TTC29: variants seen among roughly 807,000 people sequenced by gnomAD.
TTC29 encodes tetratricopeptide repeat protein 29.
A neutral mutation model predicts 58.1 loss-of-function variants in TTC29; 49 were observed. The observed-to-expected ratio is 0.84, with a 90% CI of 0.67 to 1.07. The LOEUF is 1.07. Among genes scored for constraint, TTC29 ranks in the 50% least tolerant of loss-of-function variants. The pLI, the probability that TTC29 is intolerant of heterozygous loss-of-function variation, is 0.00. For synonymous variants in TTC29, 209 were observed against 196.8 expected, an observed-to-expected ratio of 1.06 and a Z score of -0.52; for missense variants, 582 against 555.6, an observed-to-expected ratio of 1.05 and a Z score of -0.48.
chr4:146,865,640 T>C (rs1730515901), intron 8 of TTC29, among the ~76,000 whole-genome samples: 1 of 152,152 alleles, frequency 6.6e-6, no homozygotes, highest in African/African-American at 2.4e-5. Context: ...TCTGCACATG[T>C]ACCCCTGAAT....
At chr4:146,838,924 C>CTT (rs1385705391) in intron 8 of TTC29, among the ~76,000 whole-genome samples, 3 of 151,982 alleles carry the variant, frequency 2.0e-5, no homozygotes, top group Non-Finnish European at 4.4e-5. Flanking sequence ...TTTTAAATCA[C>CTT]TATGAGAACT....
intron 11 of TTC29, among the ~76,000 whole-genome samples, chr4:146,792,852 T>A (rs1749567980): frequency 6.6e-6 from 1 of 152,120 alleles, no homozygotes; most frequent in Non-Finnish European, 1.5e-5. Flanking sequence ...AATATATCAA[T>A]AGTTATGGGA....
chr4:146,910,942 T>G (rs1733856120), intron 4 of TTC29, among the ~76,000 whole-genome samples: 1 of 152,188 alleles, frequency 6.6e-6, no homozygotes, highest in African/African-American at 2.4e-5. Context: ...TGGAGGGCCA[T>G]GTTCTCTTTC....
chr4:146,818,828 G>T (rs1162753461), intron 10 of TTC29, among the ~76,000 whole-genome samples: 1 of 151,576 alleles, frequency 6.6e-6, no homozygotes, highest in Non-Finnish European at 1.5e-5. Context: ...GTAAACTATC[G>T]CAAGGACAAA....
chr4:146,798,545 A>T (rs753956077), intron 11 of TTC29, among the ~76,000 whole-genome samples: 1 of 152,044 alleles, frequency 6.6e-6, no homozygotes, highest in Non-Finnish European at 1.5e-5. Flanking sequence ...TGGGGAGAAA[A>T]ACAACAAATA....
intron 8 of TTC29, among the ~76,000 whole-genome samples, chr4:146,840,558 T>C (rs1403092862): frequency 3.9e-5 from 6 of 152,128 alleles, no homozygotes; most frequent in African/African-American, 7.2e-5. Flanking sequence ...CATTAATCCA[T>C]TACATAAATA....
At chr4:146,794,560 C>T (rs75303684) in intron 11 of TTC29, among the ~76,000 whole-genome samples, 9,024 of 152,002 alleles carry the variant, frequency 0.059, 377 homozygotes, top group Admixed American at 0.13. Context: ...AGTTTTCTCA[C>T]CCTTTCTTTT....
intron 4 of TTC29, among the ~76,000 whole-genome samples, chr4:146,925,199 T>A (rs1233025546): frequency 2.6e-5 from 4 of 152,104 alleles, no homozygotes; most frequent in Non-Finnish European, 5.9e-5. Context: ...GGTGGAATAT[T>A]CTGTAAGTGT....
chr4:146,808,304 G>C (rs764434251), intron 10 of TTC29, among the ~76,000 whole-genome samples: 3 of 152,144 alleles, frequency 2.0e-5, no homozygotes, highest in Non-Finnish European at 4.4e-5. Context: ...GCACAAGCTG[G>C]AAGCATTCCC....
intron 4 of TTC29, among the ~76,000 whole-genome samples, chr4:146,930,083 G>GTATATATATATATATATA (rs1560729760): frequency 1.2e-4 from 3 of 25,116 alleles, no homozygotes; most frequent in African/African-American, 4.0e-4. Context: ...ATGTGTGTGT[G>GTATATATATATATATATA]CATATATATA....
intron 10 of TTC29, among the ~76,000 whole-genome samples, chr4:146,811,258 G>T (rs1254468487): frequency 6.6e-6 from 1 of 152,074 alleles, no homozygotes; most frequent in African/African-American, 2.4e-5. Flanking sequence ...TATATATTAT[G>T]TCATTAACTT....
At chr4:146,856,462 C>T (rs916047056) in intron 8 of TTC29, among the ~76,000 whole-genome samples, 13 of 151,794 alleles carry the variant, frequency 8.6e-5, no homozygotes, top group Non-Finnish European at 1.6e-4. Flanking sequence ...AACTTTCTTT[C>T]CTGACATAAA....
At chr4:146,943,336 T>C (rs943017123) in intron 2 of TTC29, among the ~76,000 whole-genome samples, 1 of 152,112 alleles carries the variant, frequency 6.6e-6, no homozygotes, top group Non-Finnish European at 1.5e-5. Context: ...CTGCAAGCCC[T>C]GCTGGCAAGC....
chr4:146,918,397 A>G (rs1339357593), intron 4 of TTC29, among the ~76,000 whole-genome samples: 1 of 151,150 alleles, frequency 6.6e-6, no homozygotes, highest in Admixed American at 6.6e-5. Flanking sequence ...GATTCTCTCA[A>G]TAGCCTGATA....
intron 10 of TTC29, among the ~76,000 whole-genome samples, chr4:146,819,152 TA>T (rs1012384233): frequency 2.5e-4 from 38 of 150,222 alleles, no homozygotes; most frequent in African/African-American, 4.1e-4. Context: ...AATAAAAAAA[TA>T]AAAAAAAGAT....
At chr4:146,744,165 T>C (rs185555105) in intron 11 of TTC29, among the ~76,000 whole-genome samples, 1 of 152,162 alleles carries the variant, frequency 6.6e-6, no homozygotes, top group African/African-American at 2.4e-5. Flanking sequence ...TTACTCCAAA[T>C]GAAGAAGGCT....
chr4:146,713,774 T>G (rs956041586), intron 11 of TTC29, among the ~76,000 whole-genome samples: 1 of 152,242 alleles, frequency 6.6e-6, no homozygotes, highest in South Asian at 2.1e-4. Context: ...ACCATTATTC[T>G]GAATAAATGG....
At chr4:146,728,358 T>G (rs1743945249) in intron 11 of TTC29, among the ~76,000 whole-genome samples, 1 of 152,012 alleles carries the variant, frequency 6.6e-6, no homozygotes, top group African/African-American at 2.4e-5. Context: ...AGTGTTCTGT[T>G]GAACATCTAA....
chr4:146,808,798 T>C (rs1056088740), intron 10 of TTC29, among the ~76,000 whole-genome samples: 41 of 152,062 alleles, frequency 2.7e-4, no homozygotes, highest in African/African-American at 9.9e-4. Flanking sequence ...ATCGTGAAAA[T>C]AGCCATACTG....
Sources: gnomAD v4.1 joint callset for allele counts (sites outside exome capture counted in the v4.1 genomes callset) on GRCh38, gnomAD v4.1.1 for gene constraint, MANE v1.5 for transcripts, NCBI Gene and HGNC (gene_info 2026-07-23, HGNC 2026-07-21) for gene names.